ZNF569: variants seen among roughly 807,000 people sequenced by gnomAD.
The protein encoded by ZNF569 is DNA-binding protein.
In ZNF569, 38 loss-of-function variants were observed where a neutral mutation model predicts 56.3. The observed-to-expected ratio is 0.68, with a 90% CI of 0.52 to 0.88. The LOEUF is 0.88. Among genes scored for constraint, ZNF569 ranks in the 40% least tolerant of loss-of-function variants. ZNF569 has a pLI of 0.00. For missense variants in ZNF569, 666 were observed against 809.2 expected (o/e 0.82, Z 2.15); for synonymous variants, 241 against 262.9 (o/e 0.92, Z 0.81).
chr19:37,420,280 G>A (rs964481880), intron 5 of ZNF569, among the ~76,000 whole-genome samples: 11 of 151,798 alleles, frequency 7.2e-5, no homozygotes, highest in South Asian at 4.2e-4. Context: ...GAGCCACTGC[G>A]CCGGCCCCAA....
At chr19:37,425,364 C>T (rs2041111801) in intron 5 of ZNF569, among the ~76,000 whole-genome samples, 1 of 146,972 alleles carries the variant, frequency 6.8e-6, no homozygotes, top group Non-Finnish European at 1.5e-5. Flanking sequence ...CTCTGTCGCC[C>T]AGGCTGGAGT....
intron 3 of ZNF569, among the ~76,000 whole-genome samples, chr19:37,433,446 C>T (rs541437100): frequency 2.0e-5 from 3 of 152,186 alleles, no homozygotes; most frequent in Admixed American, 2.0e-4. Context: ...GATGGGATAA[C>T]AATAGAGAAC....
In ZNF569 at chr19:37,415,008, G is replaced by A. The variant is rs568665872; in HGVS notation, c.239-589C>T. Among the ~76,000 whole-genome samples, 9 of 152,118 alleles carry A rather than the reference G, an allele frequency of 5.9e-5. No individual in the cohort carries two copies. In the South Asian group the frequency reaches 1.7e-3, roughly 28 times the overall value. ...ACTCCTATGCTGTCTAAAATGTTGT[G>A]AAAGAAAAAAGACAAAAATTCCTGA... On this transcript the variant is annotated intron_variant, in intron 5 of 5. Coordinates refer to ENST00000316950, the MANE Select transcript of ZNF569 (RefSeq NM_152484.3).
intron 3 of ZNF569, among the ~76,000 whole-genome samples, chr19:37,435,580 A>C (rs143783993): frequency 2.4e-4 from 37 of 152,324 alleles, no homozygotes; most frequent in Non-Finnish European, 4.1e-4. Flanking sequence ...AACAAACAAA[A>C]AAACAAGACC....
At chr19:37,446,207 A>ATTC (rs2041490924) in intron 2 of ZNF569, among the ~76,000 whole-genome samples, 1 of 152,140 alleles carries the variant, frequency 6.6e-6, no homozygotes, top group Non-Finnish European at 1.5e-5. Flanking sequence ...GGGAAAGGAA[A>ATTC]CCCTATTTAA....
In ZNF569 at chr19:37,412,824, C is replaced by T; in HGVS notation, c.1834G>A (p.Gly612Arg). The part of the protein sequence containing the change: ...GEKPYECNKC[G>R]KAFSQSSSLT... ...GATGAGCTTTGGGAGAAGGCTTTTC[C>T]ACATTTATTACATTCATAGGGTTTT... Residue 612 changes from glycine (G) to arginine (R), a missense_variant, in exon 6 of 6, where the codon GGA (glycine) becomes AGA (arginine). By Grantham distance (125) the Gly-to-Arg change is moderately radical. Coordinates refer to ENST00000316950, the MANE Select transcript of ZNF569 (RefSeq NM_152484.3). 1.2e-6 allele frequency: 2 copies of T among 1,613,980 alleles called. No homozygotes were observed. The highest frequency in any genetic ancestry group is 1.7e-6 in the Non-Finnish European group (2 of 1,179,968).
chr19:37,463,555 T>C (rs918551461), intron 2 of ZNF569, among the ~76,000 whole-genome samples: 1 of 152,228 alleles, frequency 6.6e-6, no homozygotes, highest in South Asian at 2.1e-4. Flanking sequence ...ACAATAATAA[T>C]AAATGACTGT....
intron 2 of ZNF569, among the ~76,000 whole-genome samples, chr19:37,455,453 T>G (rs1460133084): frequency 6.6e-6 from 1 of 152,198 alleles, no homozygotes; most frequent in Admixed American, 6.5e-5. Context: ...CATGATTCCC[T>G]CCTGAAATGA....
chr19:37,443,049 C>G (rs967994023), intron 3 of ZNF569, among the ~76,000 whole-genome samples: 3 of 152,092 alleles, frequency 2.0e-5, no homozygotes, highest in Admixed American at 2.0e-4. Context: ...TATATAGAAG[C>G]TGGCAGATAA....
chr19:37,443,662 T>G (rs2041445521), intron 3 of ZNF569, among the ~76,000 whole-genome samples: 1 of 152,074 alleles, frequency 6.6e-6, no homozygotes, highest in Non-Finnish European at 1.5e-5. Context: ...CATAGGGTCA[T>G]CTGAAAGACA....
chr19:37,412,353 G>T lies in ZNF569; in HGVS notation c.*244C>A. ...TGCTGATGGAAGATACCTTGTTTCA[G>T]ATTTCAATGAGAATGCTGATTAAAT... On this transcript the variant is annotated 3_prime_UTR_variant, in exon 6 of 6. Transcript: ENST00000316950. 1 of 528,086 alleles carries T rather than the reference G, an allele frequency of 1.9e-6. No individual in the cohort carries two copies. Among genetic ancestry groups the T allele is most frequent in the Non-Finnish European group, 2.9e-6 (1 of 345,558 alleles). The allele number at this position is 528,086 out of a possible 1,614,324, so 32.7% of individuals were successfully genotyped here.
chr19:37,420,787 T>C (rs1379823654), intron 5 of ZNF569, among the ~76,000 whole-genome samples: 1 of 152,216 alleles, frequency 6.6e-6, no homozygotes, highest in African/African-American at 2.4e-5. Flanking sequence ...ACATAAATCC[T>C]TTCCAGCCAG....
rs1476286235 is a variant in ZNF569 at position 37,413,051 on chromosome 19, G to A, written c.1607C>T (p.Ser536Phe). The change falls in exon 6 of 6, where the codon TCC becomes TTC. Residue 536 changes from serine to phenylalanine, a missense_variant. Transcript: ENST00000316950. ...ATGACTTCTCAAATGAAGGGTAAGG[G>A]ATGCAATTTGAGAGAAGGCTTTACC... is the stretch of plus-strand genomic sequence containing the variant. ...ECGKAFSQIA[S>F]LTLHLRSHTG... 12 of 1,613,932 alleles carry A rather than the reference G, an allele frequency of 7.4e-6. No individual in the cohort carries two copies. Among genetic ancestry groups the A allele is most frequent in the African/African-American group, 1.3e-5 (1 of 75,008 alleles).
At chr19:37,435,005 G>A (rs1246498072) in intron 3 of ZNF569, among the ~76,000 whole-genome samples, 5 of 152,092 alleles carry the variant, frequency 3.3e-5, no homozygotes, top group Admixed American at 2.0e-4. Context: ...TCACACGTGC[G>A]CGTGTGACAC....
upstream of ZNF569, chr19:37,467,869 C>T: frequency 6.5e-7 from 1 of 1,535,990 alleles, no homozygotes. Context: ...TTGATTCTGA[C>T]CTTGCAGTTT....
At chr19:37,442,311 C>T (rs900658579) in intron 3 of ZNF569, among the ~76,000 whole-genome samples, 1 of 152,108 alleles carries the variant, frequency 6.6e-6, no homozygotes, top group Non-Finnish European at 1.5e-5. Context: ...GAGAAAGAAC[C>T]AGTCATATAA....
upstream of ZNF569, chr19:37,467,795 T>G: frequency 1.6e-6 from 2 of 1,285,992 alleles, no homozygotes; most frequent in Non-Finnish European, 2.2e-6. Context: ...CAGTGACATC[T>G]GAGGTCGTGC....
intron 5 of ZNF569, among the ~76,000 whole-genome samples, chr19:37,421,941 G>A (rs946333132): frequency 6.6e-6 from 1 of 151,626 alleles, no homozygotes; most frequent in Non-Finnish European, 1.5e-5. Flanking sequence ...GTAGAGACAG[G>A]GTTTCACCAT....
intron 3 of ZNF569, among the ~76,000 whole-genome samples, chr19:37,434,830 C>A (rs573212306): frequency 9.9e-4 from 151 of 152,290 alleles, no homozygotes; most frequent in African/African-American, 3.4e-3. Context: ...GAAATCCACC[C>A]CCTGCCCGCA....
Sources: gnomAD v4.1 joint callset for allele counts (sites outside exome capture counted in the v4.1 genomes callset) on GRCh38, gnomAD v4.1.1 for gene constraint, MANE v1.5 for transcripts, NCBI Gene and HGNC (gene_info 2026-07-23, HGNC 2026-07-21) for gene names.